FANK1: variants seen among roughly 807,000 people sequenced by gnomAD.
FANK1 encodes fibronectin type III and ankyrin repeat domains 1, also known as fibronectin type 3 and ankyrin repeat domains protein 1.
FANK1 carries 44 observed loss-of-function variants against 45.3 expected under a neutral mutation model. The ratio of observed to expected loss-of-function variants is 0.97; its 90% confidence interval spans 0.76 to 1.25. The LOEUF is 1.25. Among genes scored for constraint, FANK1 ranks in the 50% most tolerant of loss-of-function variants. The probability of loss-of-function intolerance (pLI) is 0.00; values close to 1 mark genes in which losing one functional copy is unlikely to be tolerated. For synonymous variants in FANK1, 149 were observed against 152.5 expected, an observed-to-expected ratio of 0.98 and a Z score of 0.17; for missense variants, 391 against 424.4, an observed-to-expected ratio of 0.92 and a Z score of 0.69.
chr10:125,938,514 C>T (rs1012955463), intron 1 of FANK1, among the ~76,000 whole-genome samples: 1 of 152,164 alleles, frequency 6.6e-6, no homozygotes, highest in Non-Finnish European at 1.5e-5. Flanking sequence ...GTGCTTTAAA[C>T]ATCTCTGGGG....
chr10:126,000,648 A>T (rs1159973600), intron 6 of FANK1, among the ~76,000 whole-genome samples: 1 of 152,250 alleles, frequency 6.6e-6, no homozygotes, highest in Non-Finnish European at 1.5e-5. Context: ...TAATTATTTT[A>T]TCTTGTAATG....
At chr10:125,923,510 G>A (rs895394255) in intron 1 of FANK1, among the ~76,000 whole-genome samples, 4 of 151,588 alleles carry the variant, frequency 2.6e-5, no homozygotes, top group African/African-American at 9.7e-5. Flanking sequence ...TTGGCATAAA[G>A]GTATTCATAA....
intron 1 of FANK1, among the ~76,000 whole-genome samples, chr10:125,978,870 AGTGTAT>A (rs772528681): frequency 6.6e-6 from 1 of 152,056 alleles, no homozygotes; most frequent in Non-Finnish European, 1.5e-5. Flanking sequence ...CTCTTTCCTA[AGTGTAT>A]GTACAGGAGT....
At chr10:125,939,028 T>C (rs530149998) in intron 1 of FANK1, among the ~76,000 whole-genome samples, 65 of 152,322 alleles carry the variant, frequency 4.3e-4, no homozygotes, top group African/African-American at 1.6e-3. Flanking sequence ...CCACCTGATA[T>C]GATGTAGTGG....
chr10:125,994,779 G>A, intron 3 of FANK1: 1 of 985,352 alleles, frequency 1.0e-6, no homozygotes, highest in Non-Finnish European at 1.2e-6. Flanking sequence ...GATGTCCCCT[G>A]TACAAAGGAT....
intron 1 of FANK1, among the ~76,000 whole-genome samples, chr10:125,951,815 GA>G (rs1156672509): frequency 6.6e-6 from 1 of 151,996 alleles, no homozygotes; most frequent in African/African-American, 2.4e-5. Flanking sequence ...AATAATTGTG[GA>G]AAAAAATTCA....
At chr10:125,913,321 T>C (rs1946182438) in intron 1 of FANK1, among the ~76,000 whole-genome samples, 1 of 150,806 alleles carries the variant, frequency 6.6e-6, no homozygotes, top group Non-Finnish European at 1.5e-5. Flanking sequence ...TAAACTCAGG[T>C]GACACCTAAA....
intron 1 of FANK1, among the ~76,000 whole-genome samples, chr10:125,956,875 A>T (rs1247374088): frequency 6.6e-6 from 1 of 152,136 alleles, no homozygotes; most frequent in Non-Finnish European, 1.5e-5. Context: ...TACAGTGACA[A>T]TCTCGCTCTG....
At position 126,008,422 on chromosome 10, in the gene FANK1, A is replaced by G. The variant is rs779162984; in HGVS notation, c.721A>G (p.Thr241Ala). 15 of 1,605,890 alleles carry G rather than the reference A, an allele frequency of 9.3e-6. No individual in the cohort carries two copies. The South Asian group carries it at 1.3e-4, about 14-fold the overall frequency. ...GGCCCAACAGGTAGACGTCGTGGAC[A>G]CTGGTTCAGGATGGACCCCACTCAT... Reference protein sequence around the residue: ...KDGCEVDVVDTGSGWTPLMRV... With the variant: ...KDGCEVDVVDAGSGWTPLMRV... The change falls in exon 8 of 11, where the codon ACT (threonine) becomes GCT (alanine). Residue 241 changes from threonine to alanine, a missense_variant. By Grantham distance (58) the Thr-to-Ala change is moderately conservative. Transcript: ENST00000368693.
intron 1 of FANK1, among the ~76,000 whole-genome samples, chr10:125,922,078 A>G (rs1176286513): frequency 2.0e-5 from 3 of 152,174 alleles, no homozygotes; most frequent in Non-Finnish European, 4.4e-5. Flanking sequence ...ATTTAGTGCT[A>G]TAAATTGCCC....
At chr10:126,001,854 A>G (rs967266887) in intron 6 of FANK1, among the ~76,000 whole-genome samples, 91 of 152,256 alleles carry the variant, frequency 6.0e-4, no homozygotes, top group African/African-American at 2.0e-3. Context: ...GATTGTTAAA[A>G]TAATCCAGGA....
chr10:125,940,002 C>T (rs1395619334), intron 1 of FANK1, among the ~76,000 whole-genome samples: 3 of 151,498 alleles, frequency 2.0e-5, no homozygotes, highest in African/African-American at 7.3e-5. Context: ...ATGATCTCGG[C>T]TCACTGCAAC....
chr10:125,905,694 T>C lies in FANK1; in HGVS notation c.13+9039T>C, dbSNP rs556892001. ...GGATTTGGGAGATAACTCCCCCCTC[T>C]TGCACTCTCTGTGACAAGTCTAGTT... On this transcript the variant is annotated intron_variant, in intron 1 of 10. Coordinates refer to ENST00000368693, the MANE Select transcript of FANK1 (RefSeq NM_145235.5). 3.3e-5 allele frequency among the ~76,000 whole-genome samples: 5 copies of C among 152,272 alleles called. No individual in the cohort carries two copies. In the South Asian group the frequency reaches 1.0e-3, roughly 32 times the overall value.
chr10:125,963,997 T>A (rs1466712763), intron 1 of FANK1, among the ~76,000 whole-genome samples: 1 of 152,096 alleles, frequency 6.6e-6, no homozygotes, highest in Non-Finnish European at 1.5e-5. Flanking sequence ...TATATCCATG[T>A]ATGCAGTACT....
At chr10:125,970,612 A>C (rs1183304473) in intron 1 of FANK1, among the ~76,000 whole-genome samples, 1 of 152,194 alleles carries the variant, frequency 6.6e-6, no homozygotes, top group Non-Finnish European at 1.5e-5. Flanking sequence ...CAGGAGCTGG[A>C]GACCAGCCGG....
chr10:125,897,277 G>A (rs1334190038), intron 1 of FANK1, among the ~76,000 whole-genome samples: 4 of 152,280 alleles, frequency 2.6e-5, no homozygotes, highest in Non-Finnish European at 5.9e-5. Flanking sequence ...TGCTTTCGAT[G>A]TATGGCAAAA....
At chr10:125,946,230 C>T (rs2134159958) in intron 1 of FANK1, among the ~76,000 whole-genome samples, 1 of 152,112 alleles carries the variant, frequency 6.6e-6, no homozygotes, top group South Asian at 2.1e-4. Flanking sequence ...CGCAGTTCCT[C>T]ACCAGCAACG....
At chr10:125,945,845 G>A (rs538143862) in intron 1 of FANK1, among the ~76,000 whole-genome samples, 1 of 152,340 alleles carries the variant, frequency 6.6e-6, no homozygotes, top group South Asian at 2.1e-4. Context: ...AGGCTTAAGT[G>A]TCCCTGTCTG....
chr10:125,925,082 T>C (rs151136485), intron 1 of FANK1, among the ~76,000 whole-genome samples: 153 of 152,210 alleles, frequency 1.0e-3, no homozygotes, highest in African/African-American at 3.0e-3. Flanking sequence ...GTTTCTGTAG[T>C]TAAATCTCAT....
Sources: gnomAD v4.1 joint callset for allele counts (sites outside exome capture counted in the v4.1 genomes callset) on GRCh38, gnomAD v4.1.1 for gene constraint, MANE v1.5 for transcripts, NCBI Gene and HGNC (gene_info 2026-07-23, HGNC 2026-07-21) for gene names.